FMNL2: variants seen among roughly 807,000 people sequenced by gnomAD.
FMNL2 encodes the protein formin like 2.
A neutral mutation model predicts 130.2 loss-of-function variants in FMNL2; 51 were observed. The ratio of observed to expected loss-of-function variants is 0.39; its 90% confidence interval spans 0.31 to 0.49. The LOEUF is 0.49. Among genes scored for constraint, FMNL2 ranks in the 20% least tolerant of loss-of-function variants. The pLI is 0.85. For synonymous variants in FMNL2, 465 were observed against 467.1 expected (o/e 1.00, Z 0.06); for missense variants, 977 against 1,316.2 (o/e 0.74, Z 3.99).
intron 9 of FMNL2, among the ~76,000 whole-genome samples, chr2:152,606,629 C>CTTTTTTTTTTTTTTTTTTTTTTTATTT (rs1698371118): frequency 9.5e-6 from 1 of 105,482 alleles, no homozygotes. Context: ...TTTTTTGACT[C>CTTTTTTTTTTTTTTTTTTTTTTTATTT]TTTTTTTTTT....
At chr2:152,473,654 A>G (rs1689972908) in intron 1 of FMNL2, among the ~76,000 whole-genome samples, 1 of 152,218 alleles carries the variant, frequency 6.6e-6, no homozygotes, top group Non-Finnish European at 1.5e-5. Context: ...AAGATTTCAT[A>G]TTGATTCAAA....
intron 1 of FMNL2, among the ~76,000 whole-genome samples, chr2:152,447,726 C>G (rs1262062370): frequency 6.6e-6 from 1 of 152,146 alleles, no homozygotes; most frequent in Non-Finnish European, 1.5e-5. Flanking sequence ...AACTTCCTTA[C>G]TGGATAGTCT....
Position 152,627,331 on chromosome 2 carries a change from T to A in FMNL2, c.2165+604T>A, listed in dbSNP as rs183597157. ...CTTGAACTGCATAGAAGGCATTGGT[T>A]TTACTCCTCTATTAGAAGAATCCTT... On this transcript the variant is annotated intron_variant, in intron 17 of 25. Coordinates refer to ENST00000288670, the MANE Select transcript of FMNL2 (RefSeq NM_052905.4). Among the ~76,000 whole-genome samples, 27 of 152,360 alleles carry A rather than the reference T, an allele frequency of 1.8e-4. No homozygotes were observed. The East Asian group carries it at 5.2e-3, about 29-fold the overall frequency.
intron 1 of FMNL2, among the ~76,000 whole-genome samples, chr2:152,502,099 G>T (rs1265100616): frequency 1.3e-5 from 2 of 152,156 alleles, no homozygotes; most frequent in African/African-American, 4.8e-5. Context: ...AGTTCTTCTT[G>T]TGGAAAACAC....
chr2:152,376,944 C>G (rs1213209762), intron 1 of FMNL2, among the ~76,000 whole-genome samples: 1 of 152,162 alleles, frequency 6.6e-6, no homozygotes, highest in East Asian at 1.9e-4. Flanking sequence ...GATTAGAGGA[C>G]TGATAGAGAC....
chr2:152,389,396 C>T (rs771874319), intron 1 of FMNL2, among the ~76,000 whole-genome samples: 17 of 152,106 alleles, frequency 1.1e-4, no homozygotes, highest in African/African-American at 3.1e-4. Flanking sequence ...ACGAGGACTC[C>T]GCCTTCATGA....
At chr2:152,639,735 G>C (rs748942625) in intron 23 of FMNL2, among the ~76,000 whole-genome samples, 3 of 152,122 alleles carry the variant, frequency 2.0e-5, no homozygotes, top group Admixed American at 6.6e-5. Context: ...ATCAGGAAAG[G>C]ACTTCTGGAT....
intron 1 of FMNL2, among the ~76,000 whole-genome samples, chr2:152,458,355 G>A (rs995534686): frequency 1.3e-5 from 2 of 152,094 alleles, no homozygotes; most frequent in Admixed American, 6.6e-5. Flanking sequence ...ATCTTAGTCC[G>A]GAGCAATAAC....
chr2:152,503,164 G>A (rs1356341827), intron 1 of FMNL2, among the ~76,000 whole-genome samples: 1 of 152,212 alleles, frequency 6.6e-6, no homozygotes, highest in African/African-American at 2.4e-5. Flanking sequence ...AGGGACCACT[G>A]CAGTGGGATT....
intron 6 of FMNL2, 67 bp downstream of exon 6, chr2:152,561,102 T>G (rs926644930): frequency 6.8e-7 from 1 of 1,478,050 alleles, no homozygotes. Context: ...CTACTTCTTT[T>G]GATGATTCTG....
chr2:152,399,459 A>G (rs1336279513), intron 1 of FMNL2, among the ~76,000 whole-genome samples: 1 of 152,140 alleles, frequency 6.6e-6, no homozygotes, highest in Non-Finnish European at 1.5e-5. Context: ...TCTTCATAGT[A>G]TTGAAAGGAA....
At chr2:152,635,845 A>G (rs1682554112) in intron 21 of FMNL2, among the ~76,000 whole-genome samples, 1 of 152,230 alleles carries the variant, frequency 6.6e-6, no homozygotes, top group Non-Finnish European at 1.5e-5. Context: ...TCAACCGACA[A>G]AAGGCTGCCC....
At chr2:152,364,037 G>A (rs1409032287) in intron 1 of FMNL2, among the ~76,000 whole-genome samples, 1 of 152,154 alleles carries the variant, frequency 6.6e-6, no homozygotes, top group Non-Finnish European at 1.5e-5. Context: ...TTGCCTGAGT[G>A]TATTCTTGAG....
intron 1 of FMNL2, among the ~76,000 whole-genome samples, chr2:152,480,964 GTCTC>G (rs930863749): frequency 1.3e-5 from 2 of 152,108 alleles, no homozygotes; most frequent in East Asian, 1.9e-4. Flanking sequence ...TAATTTCAGA[GTCTC>G]TCTCTACACA....
intron 1 of FMNL2, among the ~76,000 whole-genome samples, chr2:152,362,599 T>C (rs1425790585): frequency 6.6e-6 from 1 of 151,994 alleles, no homozygotes; most frequent in Non-Finnish European, 1.5e-5. Context: ...GCTTTTTTTT[T>C]TGTGATAGTG....
At chr2:152,395,050 T>TA (rs1169303008) in intron 1 of FMNL2, among the ~76,000 whole-genome samples, 1 of 152,188 alleles carries the variant, frequency 6.6e-6, no homozygotes, top group Admixed American at 6.6e-5. Context: ...GGAATGCTGT[T>TA]AGAGTGTCAA....
chr2:152,502,998 G>T (rs62180804), intron 1 of FMNL2, among the ~76,000 whole-genome samples: 59,386 of 151,904 alleles, frequency 0.39, 13,959 homozygotes, highest in Non-Finnish European at 0.54. Flanking sequence ...GATAGTTGGT[G>T]CTCTGTGGTT....
At position 152,589,293 on chromosome 2, in the gene FMNL2, T is replaced by C. The variant is rs532742672; in HGVS notation, c.876+8244T>C. On this transcript the variant is annotated intron_variant, in intron 9 of 25. Transcript: ENST00000288670. ...AGGGAACCTCATCCTCTATTTTAAATGTAGCAGCCACTTAAAAAAACAAAC... is the reference window on the plus strand; with the variant it reads ...AGGGAACCTCATCCTCTATTTTAAACGTAGCAGCCACTTAAAAAAACAAAC... Among the ~76,000 whole-genome samples, 6 of 150,854 alleles carry C rather than the reference T, an allele frequency of 4.0e-5. No homozygotes were observed. The South Asian group carries it at 6.4e-4, about 16-fold the overall frequency.
chr2:152,596,916 C>T (rs1447498104), intron 9 of FMNL2, among the ~76,000 whole-genome samples: 6 of 152,188 alleles, frequency 3.9e-5, no homozygotes, highest in African/African-American at 1.4e-4. Flanking sequence ...AATCCGAAAT[C>T]GTATCGATGA....
Sources: allele counts gnomAD v4.1 joint callset (sites outside exome capture counted in the v4.1 genomes callset), GRCh38; gene constraint gnomAD v4.1.1; transcripts MANE v1.5; gene names NCBI Gene and HGNC (gene_info 2026-07-23, HGNC 2026-07-21).